The following TRIM9 variants were observed in gnomAD, a reference collection of about 807,000 sequenced individuals.
TRIM9 encodes tripartite motif containing 9.
Under a neutral mutation model 78.3 loss-of-function variants are expected in TRIM9, and 26 were observed. The ratio of observed to expected loss-of-function variants is 0.33; its 90% CI spans 0.24 to 0.46. The LOEUF (loss-of-function observed/expected upper bound fraction) is 0.46, where lower values mean the gene tolerates loss of function less well. Among genes scored for constraint, TRIM9 ranks in the 20% least tolerant of loss-of-function variants. TRIM9 has a pLI of 1.00. For synonymous variants in TRIM9, 398 were observed against 416.5 expected, an observed-to-expected ratio of 0.96 and a Z score of 0.54; for missense variants, 787 against 1,036.4, an observed-to-expected ratio of 0.76 and a Z score of 3.30.
chr14:51,047,478 A>G (rs894984889), intron 1 of TRIM9, among the ~76,000 whole-genome samples: 1 of 152,214 alleles, frequency 6.6e-6, no homozygotes, highest in Non-Finnish European at 1.5e-5. Flanking sequence ...TGAGGACACC[A>G]TAGGACTGAT....
intron 1 of TRIM9, among the ~76,000 whole-genome samples, chr14:51,033,986 T>A (rs867660355): frequency 1.3e-5 from 2 of 152,216 alleles, no homozygotes; most frequent in African/African-American, 4.8e-5. Flanking sequence ...AAAATAAGTA[T>A]AAATGCTAAA....
intron 1 of TRIM9, among the ~76,000 whole-genome samples, chr14:51,029,993 T>C (rs1032724088): frequency 2.0e-5 from 3 of 152,254 alleles, no homozygotes; most frequent in East Asian, 1.9e-4. Flanking sequence ...GGTCTGATTA[T>C]GCTTAGCAGC....
intron 2 of TRIM9, among the ~76,000 whole-genome samples, chr14:51,024,738 T>C (rs17803330): frequency 0.11 from 15,927 of 151,426 alleles, 852 homozygotes; most frequent in Middle Eastern, 0.18. Context: ...AGAAGCATTA[T>C]TGTGGGTCAG....
At chr14:51,070,367 C>T (rs569837031) in intron 1 of TRIM9, among the ~76,000 whole-genome samples, 1 of 152,190 alleles carries the variant, frequency 6.6e-6, no homozygotes, top group East Asian at 1.9e-4. Flanking sequence ...ATTTTGTGAC[C>T]AGAGGCTCAC....
At chr14:51,059,797 C>CAAA (rs58885832) in intron 1 of TRIM9, among the ~76,000 whole-genome samples, 29 of 121,434 alleles carry the variant, frequency 2.4e-4, no homozygotes, top group Admixed American at 7.4e-4. Flanking sequence ...GACTCTGTCT[C>CAAA]AAAAAAAAAA....
At position 50,981,796 on chromosome 14, in the gene TRIM9, G is replaced by C. The variant is rs1347512312; in HGVS notation, c.2162+4C>G. 1.9e-6 allele frequency: 3 copies of C among 1,613,718 alleles called. No homozygotes were observed. The African/African-American group carries it at 4.0e-5, about 22-fold the overall frequency. ...GAAGGCTTGGTTTGGGGGCTGCAGG[G>C]TACCTGTTGGTGTGCGAGTTGTTGT... On this transcript the variant is annotated splice_donor_region_variant and intron_variant, in intron 11 of 12. Coordinates refer to ENST00000684578, the MANE Select transcript of TRIM9 (RefSeq NM_001387360.1).
At chr14:51,042,271 G>A (rs1156964682) in intron 1 of TRIM9, among the ~76,000 whole-genome samples, 1 of 152,116 alleles carries the variant, frequency 6.6e-6, no homozygotes, top group Admixed American at 6.5e-5. Flanking sequence ...GGCCAAATCT[G>A]GTAAAGCCTG....
chr14:51,037,324 T>G (rs1014278202), intron 1 of TRIM9, among the ~76,000 whole-genome samples: 1 of 152,212 alleles, frequency 6.6e-6, no homozygotes, highest in African/African-American at 2.4e-5. Flanking sequence ...AAGTGCAACA[T>G]GGTTCCCACT....
chr14:50,977,522 C>T (rs2051205451), intron 12 of TRIM9, among the ~76,000 whole-genome samples, 169 bp from the exon 13 acceptor site: 1 of 152,192 alleles, frequency 6.6e-6, no homozygotes, highest in African/African-American at 2.4e-5. Flanking sequence ...CCTATGGTAA[C>T]AGGCTGCTCA....
chr14:51,037,051 C>T (rs879312641), intron 1 of TRIM9, among the ~76,000 whole-genome samples: 1 of 152,056 alleles, frequency 6.6e-6, no homozygotes, highest in Non-Finnish European at 1.5e-5. Flanking sequence ...TGTTACCTTA[C>T]TATCTTTCAT....
chr14:51,036,693 G>A (rs1368761032), intron 1 of TRIM9, among the ~76,000 whole-genome samples: 2 of 152,042 alleles, frequency 1.3e-5, no homozygotes, highest in Admixed American at 6.5e-5. Context: ...AAGTATTTTC[G>A]ATCCAGTGTT....
chr14:51,025,496 G>A, intron 1 of TRIM9, 136 bp from the exon 2 acceptor site: 1 of 708,548 alleles, frequency 1.4e-6, no homozygotes. Context: ...GCTGGCATTT[G>A]TACAGGTAGA....
Position 51,095,080 on chromosome 14 carries a change from G to C in TRIM9, c.-141C>G. ...TGCCTTCCCGCGCAGCACTGGCACG[G>C]ACACCCAGAGAGGCGCTAGCTCTGT... On this transcript the variant is annotated 5_prime_UTR_variant, in exon 1 of 13. Transcript: ENST00000684578. 2 of 548,222 alleles carry C rather than the reference G, an allele frequency of 3.6e-6. No homozygotes were observed. The allele number at this position is 548,222 out of a possible 1,614,324, so 34.0% of individuals were successfully genotyped here. A position where few individuals can be genotyped will look rare whatever the true frequency, so the allele number is the denominator to read the frequency against.
chr14:51,090,315 T>C (rs1431276159), intron 1 of TRIM9, among the ~76,000 whole-genome samples: 1 of 152,244 alleles, frequency 6.6e-6, no homozygotes, highest in Non-Finnish European at 1.5e-5. Flanking sequence ...TTAGTGGCAT[T>C]ATATAACACA....
chr14:50,985,267 T>A (rs2052540110), intron 8 of TRIM9, among the ~76,000 whole-genome samples: 1 of 152,186 alleles, frequency 6.6e-6, no homozygotes. Flanking sequence ...GACTTTTTGA[T>A]TACTCAGATC....
chr14:51,032,263 G>C (rs2058795024), intron 1 of TRIM9, among the ~76,000 whole-genome samples: 1 of 152,194 alleles, frequency 6.6e-6, no homozygotes, highest in Non-Finnish European at 1.5e-5. Flanking sequence ...AGATGAACTT[G>C]AGTTTCAGTG....
intron 1 of TRIM9, among the ~76,000 whole-genome samples, chr14:51,043,623 T>C (rs2140002077): frequency 6.6e-6 from 1 of 152,294 alleles, no homozygotes; most frequent in South Asian, 2.1e-4. Flanking sequence ...AACTAAATAT[T>C]AGGATTCATG....
Position 50,983,417 on chromosome 14 carries a change from G to A in TRIM9, c.1797C>T (p.Cys599=). ...AAGGTGCAGATTGTGTCTCAAAATT[G>A]CATCCTATAAAGAGATACTACACAT... The part of the protein sequence containing the change: ...SSLQSLNAPG[C]NFETQSAPYS... Residue 599 remains cysteine, a synonymous_variant, in exon 9 of 13, where the codon TGC becomes TGT. Transcript: ENST00000684578. 6.5e-7 allele frequency: 1 copy of A among 1,542,630 alleles called. No individual in the cohort carries two copies. The highest frequency in any genetic ancestry group is 8.8e-7 in the Non-Finnish European group (1 of 1,142,574).
At chr14:50,998,260 C>A in intron 6 of TRIM9, 72 bp from the exon 7 acceptor site, 3 of 1,488,606 alleles carry the variant, frequency 2.0e-6, no homozygotes, top group South Asian at 2.4e-5. Flanking sequence ...CAGTGTCGCT[C>A]AGTGGTTAGG....
Sources: allele counts gnomAD v4.1 joint callset (sites outside exome capture counted in the v4.1 genomes callset), GRCh38; gene constraint gnomAD v4.1.1; transcripts MANE v1.5; gene names NCBI Gene and HGNC (gene_info 2026-07-23, HGNC 2026-07-21).